Variants in CC2D2B observed in about 807,000 individuals in gnomAD.
The protein encoded by CC2D2B is coiled-coil and C2 domain containing 2B.
In CC2D2B, 128 loss-of-function variants were observed where a neutral mutation model predicts 161.2. That is an observed-to-expected ratio of 0.79 (90% CI 0.69 to 0.92). CC2D2B has a LOEUF of 0.92. Ranked by LOEUF, CC2D2B falls within the 40% of genes least tolerant of loss-of-function variation. The pLI, the probability that CC2D2B is intolerant of heterozygous loss-of-function variation, is 0.00. For synonymous variants in CC2D2B, 391 were observed against 449.8 expected, an observed-to-expected ratio of 0.87 and a Z score of 1.65; for missense variants, 1,173 against 1,375.1, an observed-to-expected ratio of 0.85 and a Z score of 2.32.
chr10:96,019,766 G>T lies in CC2D2B; in HGVS notation c.3830G>T (p.Ser1277Ile). 1 of 1,603,906 alleles carries T rather than the reference G, an allele frequency of 6.2e-7. No homozygotes were observed. Reference sequence around the variant, plus strand: ...GTATTTTTTGACTATTCAAAGGAAAGTTTCTGGAAGCAGTTGCTTCCAAAA... The same window carrying T: ...GTATTTTTTGACTATTCAAAGGAAATTTTCTGGAAGCAGTTGCTTCCAAAA... ...MAVFFDYSKE[S>I]FWKQLLPKNV... The change falls in exon 32 of 35, where the codon AGT becomes ATT. Residue 1277 changes from serine to isoleucine, a missense_variant. Transcript: ENST00000646931.
rs1418234404 is a variant in CC2D2B at position 96,012,195 on chromosome 10, C to T, written c.3056C>T (p.Thr1019Ile). The T allele has an allele frequency of 5.8e-6, 4 of 683,878 alleles. No homozygotes were observed. Among genetic ancestry groups the T allele is most frequent in the East Asian group, 5.4e-5 (2 of 36,940 alleles). The allele number at this position is 683,878 out of a possible 1,614,324, so 42.4% of individuals were successfully genotyped here. ...ALLQQSEISG[T>I]FQVTIPPVLL... is the part of the protein sequence containing the mutation. ...GATATACTCTTTCAGATTAGTGGAA[C>T]ATTTCAAGTAACTATTCCACCAGTT... is the stretch of plus-strand genomic sequence containing the variant. Residue 1019 changes from threonine to isoleucine, a missense_variant, in exon 27 of 35, where the codon ACA (threonine) becomes ATA (isoleucine). Physicochemically the swap from Thr to Ile is moderately conservative, Grantham distance 89. This residue lies in a region of CC2D2B where 598 missense variants were observed against 693.2 expected (regional missense o/e 0.86). Coordinates refer to ENST00000646931, the MANE Select transcript of CC2D2B (RefSeq NM_001349008.3).
rs558092135 is a variant in CC2D2B, at chr10:96,013,791, C to G, written c.3430C>G (p.Leu1144Val). Residue 1144 changes from leucine to valine, a missense_variant, in exon 29 of 35, where the codon CTC becomes GTC. By Grantham distance (32) the Leu-to-Val change is conservative (BLOSUM62 1). Coordinates refer to ENST00000646931, the MANE Select transcript of CC2D2B (RefSeq NM_001349008.3). ...ATAAATGTGAATATTATTCTAGGAC[C>G]TCATTGCTCGATTTGTATCTTTGAT... ...FLHNSNATFDLIARFVSLIPF... is the reference protein window; with the variant it reads ...FLHNSNATFDVIARFVSLIPF... 1 of 1,592,800 alleles carries G rather than the reference C, an allele frequency of 6.3e-7. No homozygotes were observed. Among genetic ancestry groups the G allele is most frequent in the South Asian group, 1.1e-5 (1 of 89,502 alleles).
At chr10:96,020,460 G>C (rs949713910) in intron 32 of CC2D2B, 7 of 152,260 alleles carry the variant, frequency 4.6e-5, no homozygotes, top group Non-Finnish European at 8.8e-5. Context: ...CACTACATGG[G>C]TTGGCTAATG....
chr10:95,966,291 C>T lies in CC2D2B; in HGVS notation c.1455C>T (p.Ser485=). The T allele has an allele frequency of 8.7e-6, 10 of 1,153,098 alleles. No homozygotes were observed. Among genetic ancestry groups the T allele is most frequent in the Non-Finnish European group, 1.1e-5 (10 of 916,418 alleles). 71.4% of individuals were successfully genotyped at this position (1,153,098 alleles called of 1,614,324 possible). A position where few individuals can be genotyped will look rare whatever the true frequency, so the allele number is the denominator to read the frequency against. ...LSFTAELTSL[S]KCSLHEQKRR... ...TCACTGCAGAATTAACAAGCTTATC[C>T]AAGTGTTCCTTGTAAGCATGTTTAA... The change falls in exon 14 of 35, where the codon TCC becomes TCT. Residue 485 remains serine, a synonymous_variant. Transcript: ENST00000646931.
At chr10:95,987,122 A>G (rs2141633466) in intron 19 of CC2D2B, among the ~76,000 whole-genome samples, 1 of 152,172 alleles carries the variant, frequency 6.6e-6, no homozygotes, top group East Asian at 1.9e-4. Flanking sequence ...CAGGGTTTCA[A>G]GACCAGCCTG....
intron 33 of CC2D2B, among the ~76,000 whole-genome samples, chr10:96,025,168 T>TATAAAAAAAAA (rs2079658721): frequency 5.6e-4 from 7 of 12,514 alleles, no homozygotes; most frequent in South Asian, 4.5e-3. Context: ...TATATATATA[T>TATAAAAAAAAA]ATATATATAT....
In CC2D2B at chr10:95,938,890, C is replaced by T. The variant is rs41291584; in HGVS notation, c.766C>T (p.Pro256Ser). 8 of 713,640 alleles carry T rather than the reference C, an allele frequency of 1.1e-5. No individual in the cohort carries two copies. The highest frequency in any genetic ancestry group is 4.0e-5 in the Admixed American group (2 of 49,426). The allele number at this position is 713,640 out of a possible 1,614,324, so 44.2% of individuals were successfully genotyped here. ...TTTCAGACTAAATGTAAGGAAGGAA[C>T]CTTTAAATCCATTACTTAAGACCAT... Reference protein sequence around the residue: ...WNFRLNVRKEPLNPLLKTIYR... With the variant: ...WNFRLNVRKESLNPLLKTIYR... The change falls in exon 9 of 35, where the codon CCT becomes TCT. Residue 256 changes from proline to serine, a missense_variant. Coordinates refer to ENST00000646931, the MANE Select transcript of CC2D2B (RefSeq NM_001349008.3).
At chr10:95,914,330 C>A (rs11599779) in intron 2 of CC2D2B, among the ~76,000 whole-genome samples, 13,267 of 151,550 alleles carry the variant, frequency 0.088, 705 homozygotes, top group Middle Eastern at 0.16. Flanking sequence ...TGTGTGTGCG[C>A]GTGTGTGTGT....
chr10:96,012,753 T>C (rs1372343126), intron 28 of CC2D2B, 24 bp downstream of exon 28: 3 of 1,402,494 alleles, frequency 2.1e-6, no homozygotes, highest in African/African-American at 2.8e-5. Context: ...ATTTTTAACA[T>C]CTTCATTGTG....
At position 95,950,031 on chromosome 10, in the gene CC2D2B, G is replaced by C. The variant is rs576434295; in HGVS notation, c.937G>C (p.Ala313Pro). The C allele has an allele frequency of 1.5e-5, 6 of 398,596 alleles. No homozygotes were observed. The highest frequency in any genetic ancestry group is 1.4e-4 in the East Asian group (4 of 28,038). 24.7% of individuals were successfully genotyped at this position (398,596 alleles called of 1,614,324 possible). The change falls in exon 10 of 35, where the codon GCA (alanine) becomes CCA (proline). Residue 313 changes from alanine (A) to proline (P), a missense_variant. Physicochemically the swap from Ala to Pro is conservative, Grantham distance 27. This residue lies in a region of CC2D2B where 298 missense variants were observed against 261.2 expected (regional missense o/e 1.14). Transcript: ENST00000646931. The stretch of plus-strand genomic sequence containing the variant: ...CTTCAATCAAGAGCAAGTATTATGC[G>C]CAAGGCTTCTCCAACTTTATGAATG... ...HLFNQEQVLC[A>P]RLLQLYECFQ...
intron 30 of CC2D2B, among the ~76,000 whole-genome samples, chr10:96,018,331 G>C (rs2079296573): frequency 6.6e-6 from 1 of 152,128 alleles, no homozygotes; most frequent in Admixed American, 6.5e-5. Flanking sequence ...CTGGTTTCCT[G>C]CATACTTCCC....
In CC2D2B at chr10:95,908,435, T is replaced by C. The variant is rs2098499947; in HGVS notation, c.-24+378T>C. Among the ~76,000 whole-genome samples the C allele has an allele frequency of 2.6e-5, 4 of 152,334 alleles. No homozygotes were observed. In the South Asian group the frequency reaches 8.3e-4, roughly 32 times the overall value. ...AAAAATTCGCATTATGAACTACAAA[T>C]GCTGTTGGAGATCAAGAGACAGAGT... On this transcript the variant is annotated intron_variant, in intron 1 of 34. Coordinates refer to ENST00000646931, the MANE Select transcript of CC2D2B (RefSeq NM_001349008.3).
At chr10:95,912,292 C>T (rs2098507749) in intron 2 of CC2D2B, among the ~76,000 whole-genome samples, 1 of 152,014 alleles carries the variant, frequency 6.6e-6, no homozygotes, top group African/African-American at 2.4e-5. Flanking sequence ...AATAGTTTAC[C>T]TATAGAATAT....
intron 1 of CC2D2B, among the ~76,000 whole-genome samples, chr10:95,909,264 A>G (rs559833897): frequency 1.3e-5 from 2 of 152,374 alleles, no homozygotes; most frequent in Admixed American, 6.5e-5. Context: ...TTAACTAAGT[A>G]AAGAATTGTT....
intron 9 of CC2D2B, among the ~76,000 whole-genome samples, chr10:95,944,580 C>A (rs1312508740): frequency 6.6e-6 from 1 of 151,998 alleles, no homozygotes; most frequent in Non-Finnish European, 1.5e-5. Flanking sequence ...AGGAGAGAGG[C>A]CTTTGAAACA....
At position 96,013,895 on chromosome 10, in the gene CC2D2B, A is replaced by T. The variant is rs542379350; in HGVS notation, c.3516+18A>T. Reference sequence around the variant, plus strand: ...CATCAGAGGTAATAAATTACATTTTATATATATAATTGAAATATATAGTAT... The same window carrying T: ...CATCAGAGGTAATAAATTACATTTTTTATATATAATTGAAATATATAGTAT... On this transcript the variant is annotated intron_variant, in intron 29 of 34. Coordinates refer to ENST00000646931, the MANE Select transcript of CC2D2B (RefSeq NM_001349008.3). 196 of 1,228,352 alleles carry T rather than the reference A, an allele frequency of 1.6e-4. No homozygotes were observed. Among genetic ancestry groups the T allele is most frequent in the South Asian group, 6.8e-4 (39 of 57,546 alleles). The allele number at this position is 1,228,352 out of a possible 1,614,324, so 76.1% of individuals were successfully genotyped here.
At chr10:95,977,248 G>C (rs1002980038) in intron 17 of CC2D2B, among the ~76,000 whole-genome samples, 2 of 152,122 alleles carry the variant, frequency 1.3e-5, no homozygotes, top group African/African-American at 4.8e-5. Context: ...GGTGGCACAC[G>C]CATGTAGTCC....
chr10:95,958,987 T>C (rs528963533), intron 11 of CC2D2B, among the ~76,000 whole-genome samples: 14 of 152,170 alleles, frequency 9.2e-5, no homozygotes, highest in African/African-American at 3.1e-4. Flanking sequence ...AGCACAAATA[T>C]ACAATGTCAG....
chr10:96,028,694 G>A (rs1251789601), intron 34 of CC2D2B, among the ~76,000 whole-genome samples: 1 of 152,178 alleles, frequency 6.6e-6, no homozygotes, highest in Non-Finnish European at 1.5e-5. Flanking sequence ...TTGCAGCACT[G>A]TTCACAAGAG....
Sources: gnomAD v4.1 joint callset for allele counts (sites outside exome capture counted in the v4.1 genomes callset) on GRCh38, gnomAD v4.1.1 for gene constraint, gnomAD v4.1.1 regional missense constraint, MANE v1.5 for transcripts, NCBI Gene and HGNC (gene_info 2026-07-23, HGNC 2026-07-21) for gene names.